DZIP3: variants seen among roughly 807,000 people sequenced by gnomAD.
DZIP3 encodes E3 ubiquitin-protein ligase DZIP3.
DZIP3 carries 118 observed loss-of-function variants against 162.0 expected under a neutral mutation model. The observed-to-expected ratio is 0.73, with a 90% CI of 0.63 to 0.85. The LOEUF (loss-of-function observed/expected upper bound fraction) is 0.85, where lower values mean the gene tolerates loss of function less well. Ranked by LOEUF, DZIP3 falls within the 40% of genes least tolerant of loss-of-function variation. The probability of loss-of-function intolerance (pLI) is 0.00; values close to 1 mark genes in which losing one functional copy is unlikely to be tolerated. For missense variants in DZIP3, 1,331 were observed against 1,407.0 expected, an observed-to-expected ratio of 0.95 and a Z score of 0.86; for synonymous variants, 438 against 458.6, an observed-to-expected ratio of 0.96 and a Z score of 0.57.
intron 27 of DZIP3, among the ~76,000 whole-genome samples, chr3:108,684,778 G>GT (rs1445650905): frequency 2.6e-5 from 4 of 152,008 alleles, no homozygotes; most frequent in Non-Finnish European, 5.9e-5. Flanking sequence ...TATTTCAAGT[G>GT]TATCTATAAA....
At chr3:108,616,773 T>C in intron 5 of DZIP3, 116 bp downstream of exon 5, 2 of 694,532 alleles carry the variant, frequency 2.9e-6, no homozygotes, top group South Asian at 3.8e-5. Context: ...TTTTTTCTTT[T>C]ACCTCTAGAA....
Position 108,672,661 on chromosome 3 carries a change from C to T in DZIP3, c.2589+5C>T, listed in dbSNP as rs1386137262. On this transcript the variant is annotated splice_donor_5th_base_variant and intron_variant, in intron 23 of 32. Coordinates refer to ENST00000361582, the MANE Select transcript of DZIP3 (RefSeq NM_014648.4). Reference sequence around the variant, plus strand: ...AGCAGAGCTTTAACAGCCGAGGTAACAACAAAACGGGGACAGGGGTATGGG... The same window carrying T: ...AGCAGAGCTTTAACAGCCGAGGTAATAACAAAACGGGGACAGGGGTATGGG... The T allele has an allele frequency of 5.6e-6, 9 of 1,608,322 alleles. No individual in the cohort carries two copies. The Admixed American group carries it at 1.2e-4, about 21-fold the overall frequency.
chr3:108,681,510 A>G (rs1944308478), intron 26 of DZIP3, among the ~76,000 whole-genome samples: 1 of 152,108 alleles, frequency 6.6e-6, no homozygotes, highest in African/African-American at 2.4e-5. Flanking sequence ...ACCATTGTGG[A>G]AGACAGTGTG....
Position 108,675,739 on chromosome 3 carries a change from GT to G in DZIP3, c.2694-45del, listed in dbSNP as rs1030490718. On this transcript the variant is annotated intron_variant, in intron 24 of 32. Transcript: ENST00000361582. ...GATAGACATGTTTGGAAACCTAAGT[GT>G]TATAAAAAGAAAGAGTTTTCTTTTG... 8 of 1,533,444 alleles carry G rather than the reference GT, an allele frequency of 5.2e-6. No homozygotes were observed. In the African/African-American group the frequency reaches 1.1e-4, roughly 21 times the overall value. 95.0% of individuals were successfully genotyped at this position (1,533,444 alleles called of 1,614,324 possible).
intron 1 of DZIP3, among the ~76,000 whole-genome samples, chr3:108,603,745 T>C (rs1164736900): frequency 1.3e-5 from 2 of 152,212 alleles, no homozygotes; most frequent in African/African-American, 2.4e-5. Flanking sequence ...TGTCTCTTAA[T>C]ACTTTCTGTG....
chr3:108,654,926 G>A (rs1943040403), intron 19 of DZIP3, among the ~76,000 whole-genome samples: 1 of 152,110 alleles, frequency 6.6e-6, no homozygotes, highest in South Asian at 2.1e-4. Flanking sequence ...AAATATAGTG[G>A]TATGTAATAT....
intron 1 of DZIP3, among the ~76,000 whole-genome samples, chr3:108,593,797 T>G (rs1483315125): frequency 6.6e-6 from 1 of 151,544 alleles, no homozygotes; most frequent in East Asian, 1.9e-4. Flanking sequence ...TCATCCTCCC[T>G]GGGAACACAG....
intron 15 of DZIP3, among the ~76,000 whole-genome samples, chr3:108,647,477 A>G (rs1009670754): frequency 5.9e-5 from 9 of 152,222 alleles, no homozygotes; most frequent in Non-Finnish European, 1.3e-4. Flanking sequence ...GGCAATATCA[A>G]GGAGCAAAGT....
intron 4 of DZIP3, among the ~76,000 whole-genome samples, chr3:108,616,143 A>G (rs1323511097): frequency 6.6e-6 from 1 of 152,120 alleles, no homozygotes; most frequent in East Asian, 1.9e-4. Flanking sequence ...GGGTGTCTGT[A>G]GTCCCAGATA....
intron 3 of DZIP3, among the ~76,000 whole-genome samples, chr3:108,609,909 T>G (rs1243600052): frequency 2.0e-5 from 3 of 152,228 alleles, no homozygotes; most frequent in African/African-American, 7.2e-5. Flanking sequence ...TGTATAAATT[T>G]GTTAATTAGT....
At chr3:108,620,889 T>C (rs1229199156) in intron 5 of DZIP3, among the ~76,000 whole-genome samples, 1 of 152,226 alleles carries the variant, frequency 6.6e-6, no homozygotes, top group Non-Finnish European at 1.5e-5. Context: ...TGGCACGATC[T>C]CGGCTCACTG....
chr3:108,617,437 G>A (rs1156864080), intron 5 of DZIP3, among the ~76,000 whole-genome samples: 3 of 151,836 alleles, frequency 2.0e-5, no homozygotes, highest in Non-Finnish European at 1.5e-5. Context: ...TAATTAATCA[G>A]CTTCTCTTTC....
At chr3:108,594,514 T>G in intron 1 of DZIP3, among the ~76,000 whole-genome samples, 1 of 147,138 alleles carries the variant, frequency 6.8e-6, no homozygotes, top group African/African-American at 2.5e-5. Context: ...GTCATGGGAG[T>G]TTGTTGTACA....
chr3:108,637,614 T>G lies in DZIP3; in HGVS notation c.1064+66T>G, dbSNP rs1002733743. ...ATGCATATATTTTTTGGTTGCTTAA[T>G]TCTTCTGTGTTTCTGTCACCTAATA... On this transcript the variant is annotated intron_variant, in intron 12 of 32. Transcript: ENST00000361582. The G allele has an allele frequency of 5.9e-6, 8 of 1,357,570 alleles. No homozygotes were observed. In the African/African-American group the frequency reaches 1.2e-4, roughly 20 times the overall value. 84.1% of individuals were successfully genotyped at this position (1,357,570 alleles called of 1,614,324 possible).
At chr3:108,599,226 TG>T (rs1370724221) in intron 1 of DZIP3, among the ~76,000 whole-genome samples, 1 of 152,230 alleles carries the variant, frequency 6.6e-6, no homozygotes, top group Non-Finnish European at 1.5e-5. Flanking sequence ...AGTGATCTTT[TG>T]GGATAGAAAA....
intron 1 of DZIP3, among the ~76,000 whole-genome samples, chr3:108,596,729 A>G (rs1430708683): frequency 6.6e-6 from 1 of 152,200 alleles, no homozygotes; most frequent in Non-Finnish European, 1.5e-5. Flanking sequence ...TTTTAAAGCA[A>G]TATTGAGTGC....
rs111624970 is a variant in DZIP3 at position 108,631,549 on chromosome 3, T to A, written c.697-1404T>A. On this transcript the variant is annotated intron_variant, in intron 8 of 32. Transcript: ENST00000361582. ...ACGCCACTGCACTTGGCTAATTTTT[T>A]AAAAAAAATTATTATTATTATTATT... is the stretch of plus-strand genomic sequence containing the variant. Among the ~76,000 whole-genome samples, 689 of 147,458 alleles carry A rather than the reference T, an allele frequency of 4.7e-3. 4 individuals are homozygous for A. Among genetic ancestry groups the A allele is most frequent in the African/African-American group, 0.012 (484 of 40,084 alleles).
intron 22 of DZIP3, among the ~76,000 whole-genome samples, chr3:108,670,166 A>G (rs1339864995): frequency 6.6e-6 from 1 of 151,960 alleles, no homozygotes; most frequent in African/African-American, 2.4e-5. Context: ...CATACAGCAT[A>G]AAATTATCTC....
At chr3:108,625,009 G>C (rs772373388) in intron 6 of DZIP3, among the ~76,000 whole-genome samples, 2 of 151,636 alleles carry the variant, frequency 1.3e-5, no homozygotes, top group Non-Finnish European at 2.9e-5. Flanking sequence ...AATATGACTT[G>C]TTAATTAGAA....
Sources: gnomAD v4.1 joint callset for allele counts (sites outside exome capture counted in the v4.1 genomes callset) on GRCh38, gnomAD v4.1.1 for gene constraint, MANE v1.5 for transcripts, NCBI Gene and HGNC (gene_info 2026-07-23, HGNC 2026-07-21) for gene names.